CHEK1: variants seen among roughly 807,000 people sequenced by gnomAD.
The protein encoded by CHEK1 is checkpoint kinase 1, also known as serine/threonine-protein kinase Chk1.
A neutral mutation model predicts 60.2 loss-of-function variants in CHEK1; 32 were observed. The ratio of observed to expected loss-of-function variants is 0.53; its 90% CI spans 0.40 to 0.71. The LOEUF (loss-of-function observed/expected upper bound fraction) is 0.71. Among genes scored for constraint, CHEK1 ranks in the 30% least tolerant of loss-of-function variants. The probability of loss-of-function intolerance (pLI) is 0.00; values close to 1 mark genes in which losing one functional copy is unlikely to be tolerated. For missense variants in CHEK1, 399 were observed against 564.6 expected (o/e 0.71, Z 2.97); for synonymous variants, 179 against 187.2 (o/e 0.96, Z 0.36).
chr11:125,652,942 C>A (rs886351256), intron 11 of CHEK1, among the ~76,000 whole-genome samples: 2 of 152,128 alleles, frequency 1.3e-5, no homozygotes, highest in African/African-American at 4.8e-5. Flanking sequence ...TGTATTCTTT[C>A]ATGAATCTCT....
chr11:125,675,163 G>A (rs947838752), intron 13 of CHEK1, among the ~76,000 whole-genome samples: 9 of 152,204 alleles, frequency 5.9e-5, no homozygotes, highest in African/African-American at 1.9e-4. Context: ...AAGTTGCTCA[G>A]GTGATTGTAA....
chr11:125,670,619 C>T (rs1314892510), intron 13 of CHEK1, among the ~76,000 whole-genome samples: 1 of 152,092 alleles, frequency 6.6e-6, no homozygotes, highest in Non-Finnish European at 1.5e-5. Flanking sequence ...AGGTTATCCT[C>T]AAATTTAGGG....
intron 13 of CHEK1, among the ~76,000 whole-genome samples, chr11:125,667,540 AAG>A (rs1370183788): frequency 6.6e-6 from 1 of 152,102 alleles, no homozygotes; most frequent in African/African-American, 2.4e-5. Context: ...ATCATCAGTA[AAG>A]AGAGAGAGTT....
At chr11:125,680,814 G>T (rs372351446), downstream of CHEK1, 11 of 1,579,936 alleles carry the variant, frequency 7.0e-6, no homozygotes, top group East Asian at 1.1e-4. Context: ...CCCAGTGTGG[G>T]CCACAGCTTC....
chr11:125,680,589 A>T, downstream of CHEK1: 1 of 718,544 alleles, frequency 1.4e-6, no homozygotes, highest in Non-Finnish European at 2.4e-6. Context: ...GAGCTCTCCG[A>T]GTTGGACTTG....
In CHEK1 at chr11:125,625,603, A is replaced by C; in HGVS notation, c.-430A>C. ...GCCTTTCAGGCCCAGAGCGGCCAGG[A>C]GCGAAGCCCGCAGCCCCGCCTGGAA... On this transcript the variant is annotated 5_prime_UTR_variant, in exon 1 of 13. Transcript: ENST00000438015. The C allele has an allele frequency of 1.7e-6, 1 of 595,470 alleles. No individual in the cohort carries two copies. The highest frequency in any genetic ancestry group is 3.0e-6 in the Non-Finnish European group (1 of 333,536). The allele number at this position is 595,470 out of a possible 1,614,324, so 36.9% of individuals were successfully genotyped here. A position where few individuals can be genotyped will look rare whatever the true frequency, so the allele number is the denominator to read the frequency against.
At chr11:125,681,063 TAA>T (rs11398416), downstream of CHEK1, 81 of 168,488 alleles carry the variant, frequency 4.8e-4, no homozygotes, top group Middle Eastern at 2.4e-3. The surrounding 1 kb of genome is among the most constrained non-coding windows in gnomAD (Gnocchi z 4.2). Flanking sequence ...GCCCTATCTT[TAA>T]AAAAAAAAAA....
Position 125,642,259 on chromosome 11 carries a change from T to A in CHEK1, c.815-1533T>A, listed in dbSNP as rs116288061. On this transcript the variant is annotated intron_variant, in intron 8 of 12. Transcript: ENST00000438015. ...CCCTCTAACACATTTCTTAAATTTT[T>A]AAAATTTTTACTCTCTTGTGGACAT... Among the ~76,000 whole-genome samples, 386 of 152,366 alleles carry A rather than the reference T, an allele frequency of 2.5e-3. 2 individuals are homozygous for A. The highest frequency in any genetic ancestry group is 8.9e-3 in the African/African-American group (372 of 41,588).
In CHEK1 at chr11:125,627,685, T is replaced by A. The variant is rs1367390698; in HGVS notation, c.144T>A (p.Cys48Ter). Residue 48 changes from cysteine (C) to a stop codon, truncating the protein, a stop_gained, in exon 3 of 13, where the codon TGT (cysteine) becomes TGA (stop). Coordinates refer to ENST00000438015, the MANE Select transcript of CHEK1 (RefSeq NM_001114122.3). LOFTEE classifies it high-confidence loss of function. Reference sequence around the variant, plus strand: ...TAGATATGAAGCGTGCCGTAGACTGTCCAGAAAATATTAAGAAAGAGATCT... The same window carrying A: ...TAGATATGAAGCGTGCCGTAGACTGACCAGAAAATATTAAGAAAGAGATCT... ...KIVDMKRAVDCPENIKKEICI... is the reference protein window; with the variant it reads ...KIVDMKRAVD 1 of 1,613,962 alleles carries A rather than the reference T, an allele frequency of 6.2e-7. No individual in the cohort carries two copies. The highest frequency in any genetic ancestry group is 8.5e-7 in the Non-Finnish European group (1 of 1,179,948).
At chr11:125,677,987 ACCTGAAGGCTGTTCT>A (rs764438507), downstream of CHEK1, 160 of 1,613,736 alleles carry the variant, frequency 9.9e-5, no homozygotes, top group Admixed American at 2.2e-3. Context: ...AGAGGTGTTC[ACCTGAAGGCTGTTCT>A]CCTGAAGGCT....
In CHEK1 at chr11:125,625,207, TTTG is replaced by T. The variant is rs1940533103; in HGVS notation, c.-824_-822del. ...TCTTTGCACATTAAAAATGAAAAAG[TTTG>T]TAGAACTAAGCTAAGCAGATGGTCT... On this transcript the variant is annotated 5_prime_UTR_variant, in exon 1 of 13. Coordinates refer to ENST00000438015, the MANE Select transcript of CHEK1 (RefSeq NM_001114122.3). The T allele has an allele frequency of 4.4e-6, 1 of 227,248 alleles. No homozygotes were observed. The highest frequency in any genetic ancestry group is 8.7e-6 in the Non-Finnish European group (1 of 114,466). 14.1% of individuals were successfully genotyped at this position (227,248 alleles called of 1,614,324 possible).
downstream of CHEK1, chr11:125,657,290 G>A (rs1163421823): frequency 6.5e-6 from 1 of 154,830 alleles, no homozygotes; most frequent in Non-Finnish European, 1.4e-5. Context: ...TGTTTAATGT[G>A]TACAGTGTGT....
At chr11:125,649,966 GTGAGACGTTGCTGCTCTCTTGC>G (rs1191020978) in intron 11 of CHEK1, 1 of 152,134 alleles carries the variant, frequency 6.6e-6, no homozygotes, top group Non-Finnish European at 1.5e-5. Context: ...TCTCTTTTAT[GTGAGACGTTGCTGCTCTCTTGC>G]TGCTTTTATG....
chr11:125,646,258 G>C (rs1221451054), intron 11 of CHEK1, among the ~76,000 whole-genome samples: 1 of 152,054 alleles, frequency 6.6e-6, no homozygotes, highest in Non-Finnish European at 1.5e-5. Flanking sequence ...GGGTCTGTCT[G>C]CTTTCATTTA....
At chr11:125,629,619 G>A (rs748097776) in intron 5 of CHEK1, among the ~76,000 whole-genome samples, 159 bp downstream of exon 5, 3 of 152,098 alleles carry the variant, frequency 2.0e-5, no homozygotes, top group Non-Finnish European at 4.4e-5. Flanking sequence ...GGAAATTTTG[G>A]AGACTTCGTA....
At chr11:125,629,573 ATT>A in intron 5 of CHEK1, 113 bp downstream of exon 5, 1 of 729,460 alleles carries the variant, frequency 1.4e-6, no homozygotes, top group East Asian at 2.8e-5. Context: ...GTCTTTTTGC[ATT>A]ACTGGAATTT....
At chr11:125,659,695 T>C (rs986938580), downstream of CHEK1, among the ~76,000 whole-genome samples, 1 of 152,224 alleles carries the variant, frequency 6.6e-6, no homozygotes, top group Non-Finnish European at 1.5e-5. Context: ...ATGTTTTTAT[T>C]GAGATATTCA....
intron 7 of CHEK1, chr11:125,636,144 A>G (rs1170046530): frequency 6.6e-6 from 1 of 152,214 alleles, no homozygotes; most frequent in African/African-American, 2.4e-5. Flanking sequence ...CTGAAACATC[A>G]TTAATGTGGC....
intron 8 of CHEK1, among the ~76,000 whole-genome samples, chr11:125,640,107 G>C (rs1416770947): frequency 6.6e-6 from 1 of 152,084 alleles, no homozygotes; most frequent in African/African-American, 2.4e-5. Context: ...CTCAAAACTA[G>C]TTTTCAATTT....
Sources: allele counts gnomAD v4.1 joint callset (sites outside exome capture counted in the v4.1 genomes callset), GRCh38; gene constraint gnomAD v4.1.1; non-coding constraint Gnocchi (gnomAD v3.1); transcripts MANE v1.5; gene names NCBI Gene and HGNC (gene_info 2026-07-23, HGNC 2026-07-21).